Variants in IDH2 observed in about 807,000 individuals in gnomAD.
The protein encoded by IDH2 is isocitrate dehydrogenase (NADP(+)) 2.
IDH2 carries 18 observed loss-of-function variants against 50.5 expected under a neutral mutation model. The observed-to-expected ratio is 0.36, with a 90% CI of 0.25 to 0.53. The LOEUF is 0.53. Ranked by LOEUF, IDH2 falls within the 20% of genes least tolerant of loss-of-function variation. IDH2 has a pLI of 0.92. For missense variants in IDH2, 518 were observed against 610.7 expected, an observed-to-expected ratio of 0.85 and a Z score of 1.60; for synonymous variants, 280 against 239.8, an observed-to-expected ratio of 1.17 and a Z score of -1.55.
intron 1 of IDH2, among the ~76,000 whole-genome samples, chr15:90,099,161 G>A (rs1353707924): frequency 3.9e-5 from 6 of 152,070 alleles, no homozygotes. Context: ...ATCAGGTAAC[G>A]ATACTCCTCT....
chr15:90,100,906 C>T lies in IDH2; in HGVS notation c.115+1370G>A, dbSNP rs988034687. Among the ~76,000 whole-genome samples the T allele has an allele frequency of 6.6e-6, 1 of 150,726 alleles. No homozygotes were observed. ...GACCCTTAAAAGGCGCTTTGTGTTC[C>T]TGTTTGTGTGTGTTTTTCGGGTTGT... is the stretch of plus-strand genomic sequence containing the variant. On this transcript the variant is annotated intron_variant, in intron 1 of 10. Transcript: ENST00000330062. This position sits in a 1 kb window ranked among gnomAD's most constrained non-coding sequence, Gnocchi z 4.1.
chr15:90,090,410 C>G (rs1596075934), intron 3 of IDH2, 69 bp downstream of exon 3: 1 of 1,555,572 alleles, frequency 6.4e-7, no homozygotes, highest in East Asian at 2.3e-5. Flanking sequence ...TGCCCCACCC[C>G]AAGTCTGGAG....
chr15:90,085,551 C>T lies in IDH2; in HGVS notation c.968-164G>A, dbSNP rs565250056. Among the ~76,000 whole-genome samples, 3 of 152,340 alleles carry T rather than the reference C, an allele frequency of 2.0e-5. No individual in the cohort carries two copies. In the South Asian group the frequency reaches 6.2e-4, roughly 32 times the overall value. ...GGACAGGGACTGTTCCAGGTCTCTT[C>T]ACCCTCCTGTGGGTCTCCAGGGCCC... On this transcript the variant is annotated intron_variant, in intron 7 of 10. Coordinates refer to ENST00000330062, the MANE Select transcript of IDH2 (RefSeq NM_002168.4). The surrounding 1 kb of genome is among the most constrained non-coding windows in gnomAD (Gnocchi z 5.5).
rs2151546152 is a variant in IDH2, at chr15:90,084,258, G to A, written c.*8C>T. On this transcript the variant is annotated 3_prime_UTR_variant, in exon 11 of 11. Transcript: ENST00000330062. The surrounding 1 kb of genome is among the most constrained non-coding windows in gnomAD (Gnocchi z 5.0). ...CCCCTCCACTGCAGCCATGGGTGGC[G>A]CCTCCCCCTACTGCCTGCCCAGGGC... is the stretch of plus-strand genomic sequence containing the variant. The A allele has an allele frequency of 1.2e-6, 2 of 1,612,560 alleles. No individual in the cohort carries two copies. Among genetic ancestry groups the A allele is most frequent in the African/African-American group, 1.3e-5 (1 of 74,980 alleles).
Position 90,085,186 on chromosome 15 carries a change from G to A in IDH2, c.1081-88C>T, listed in dbSNP as rs977439502. 1.4e-4 allele frequency: 213 copies of A among 1,533,954 alleles called. No individual in the cohort carries two copies. The highest frequency in any genetic ancestry group is 1.7e-4 in the Non-Finnish European group (191 of 1,112,810). On this transcript the variant is annotated intron_variant, in intron 8 of 10. Transcript: ENST00000330062. The surrounding 1 kb of genome is among the most constrained non-coding windows in gnomAD (Gnocchi z 5.5). ...ACAGCTGCCCGCCCCTGGGCTGGTG[G>A]GTCAGGCTCGTCCTTCCAGCCCTCA...
chr15:90,088,374 C>G lies in IDH2; in HGVS notation c.663G>C (p.Met221Ile). 1 of 1,613,898 alleles carries G rather than the reference C, an allele frequency of 6.2e-7. No homozygotes were observed. The highest frequency in any genetic ancestry group is 8.5e-7 in the Non-Finnish European group (1 of 1,180,040). The change falls in exon 5 of 11, where the codon ATG (methionine) becomes ATC (isoleucine). Residue 221 changes from methionine to isoleucine, a missense_variant. Physicochemically the swap from Met to Ile is conservative, Grantham distance 10. Coordinates refer to ENST00000330062, the MANE Select transcript of IDH2 (RefSeq NM_002168.4). ...CCAGCCTCACCTCGTCGGTGTTGTA[C>G]ATGCCCATGCCCACGCCGCCTGCGG... ...NFPAGGVGMGMYNTDESISGF... is the reference protein window; with the variant it reads ...NFPAGGVGMGIYNTDESISGF...
intron 3 of IDH2, among the ~76,000 whole-genome samples, chr15:90,089,787 T>C (rs1900983472): frequency 6.6e-6 from 1 of 152,190 alleles, no homozygotes; most frequent in Non-Finnish European, 1.5e-5. Flanking sequence ...TGTGACTTCA[T>C]GGAACCCTCG....
chr15:90,087,716 A>G, intron 5 of IDH2, 141 bp from the exon 6 acceptor site: 2 of 851,230 alleles, frequency 2.3e-6, no homozygotes, highest in East Asian at 5.0e-5. Flanking sequence ...GCCTCCGTGC[A>G]GTGCACACGA....
At position 90,085,116 on chromosome 15, in the gene IDH2, A is replaced by G; in HGVS notation, c.1081-18T>C. On this transcript the variant is annotated intron_variant, in intron 8 of 10. Transcript: ENST00000330062. This position sits in a 1 kb window ranked among gnomAD's most constrained non-coding sequence, Gnocchi z 5.5. Reference sequence around the variant, plus strand: ...GGCCGGCCCTGGGGACGGGGGTTGCAGGGAGATCAAGAGCCGAGCCAGCTA... The same window carrying G: ...GGCCGGCCCTGGGGACGGGGGTTGCGGGGAGATCAAGAGCCGAGCCAGCTA... 6.2e-7 allele frequency: 1 copy of G among 1,611,026 alleles called. No homozygotes were observed. Among genetic ancestry groups the G allele is most frequent in the Non-Finnish European group, 8.5e-7 (1 of 1,177,866 alleles).
chr15:90,099,311 C>T (rs755914857), intron 1 of IDH2, among the ~76,000 whole-genome samples: 1 of 152,202 alleles, frequency 6.6e-6, no homozygotes, highest in Non-Finnish European at 1.5e-5. Flanking sequence ...GCTCTTCCAT[C>T]ATGCCCTTGG....
intron 1 of IDH2, among the ~76,000 whole-genome samples, chr15:90,094,197 G>A (rs1901122920): frequency 6.6e-6 from 1 of 152,156 alleles, no homozygotes; most frequent in Non-Finnish European, 1.5e-5. Flanking sequence ...CGCTACTGAA[G>A]GAGAGTCTGA....
chr15:90,099,421 C>T (rs1204564714), intron 1 of IDH2, among the ~76,000 whole-genome samples: 1 of 152,172 alleles, frequency 6.6e-6, no homozygotes, highest in African/African-American at 2.4e-5. Flanking sequence ...CCTATACAAA[C>T]TTTTGTGCAC....
chr15:90,083,136 T>A lies in IDH2; in HGVS notation c.*1130A>T, dbSNP rs1474138894. The A allele has an allele frequency of 8.1e-6, 1 of 123,008 alleles. No homozygotes were observed. The highest frequency in any genetic ancestry group is 1.7e-5 in the Non-Finnish European group (1 of 59,044). 7.6% of individuals were successfully genotyped at this position (123,008 alleles called of 1,614,324 possible). A position where few individuals can be genotyped will look rare whatever the true frequency, so the allele number is the denominator to read the frequency against. ...ATAGAGCAATTTTTTTTTTTTTTTT[T>A]TTTTTTTTTTTTTTGAGACAGAGTC... On this transcript the variant is annotated 3_prime_UTR_variant, in exon 11 of 11. Coordinates refer to ENST00000330062, the MANE Select transcript of IDH2 (RefSeq NM_002168.4).
chr15:90,083,856 C>G lies in IDH2; in HGVS notation c.*410G>C, dbSNP rs977386598. On this transcript the variant is annotated 3_prime_UTR_variant, in exon 11 of 11. Coordinates refer to ENST00000330062, the MANE Select transcript of IDH2 (RefSeq NM_002168.4). ...CTCCCAGGGCTGCCTGGTCCCTTCC[C>G]TGCCGTGGCAGCCCCTTCCTGAGGT... The G allele has an allele frequency of 3.2e-6, 1 of 310,790 alleles. No individual in the cohort carries two copies. The highest frequency in any genetic ancestry group is 2.1e-5 in the African/African-American group (1 of 47,240). 19.3% of individuals were successfully genotyped at this position (310,790 alleles called of 1,614,324 possible).
At chr15:90,087,609 C>A (rs1900897448) in intron 5 of IDH2, 34 bp from the exon 6 acceptor site, 2 of 1,611,850 alleles carry the variant, frequency 1.2e-6, no homozygotes, top group Non-Finnish European at 1.7e-6. Context: ...TGGCGTGGTG[C>A]CCTAGCCTGG....
In IDH2 at chr15:90,100,534, C is replaced by T. The variant is rs961555324; in HGVS notation, c.115+1742G>A. On this transcript the variant is annotated intron_variant, in intron 1 of 10. Coordinates refer to ENST00000330062, the MANE Select transcript of IDH2 (RefSeq NM_002168.4). The surrounding 1 kb of genome is among the most constrained non-coding windows in gnomAD (Gnocchi z 4.1). ...TAGATAAGTAATTCTGCCACTGAGC[C>T]GTTCACAGAACTGGTCCGCACTGCC... 15 of 644,268 alleles carry T rather than the reference C, an allele frequency of 2.3e-5. No homozygotes were observed. In the African/African-American group the frequency reaches 2.8e-4, roughly 12 times the overall value. 39.9% of individuals were successfully genotyped at this position (644,268 alleles called of 1,614,324 possible).
rs1180552226 is a variant in IDH2, at chr15:90,099,634, T to C, written c.115+2642A>G. Among the ~76,000 whole-genome samples, 4 of 152,132 alleles carry C rather than the reference T, an allele frequency of 2.6e-5. No individual in the cohort carries two copies. In the East Asian group the frequency reaches 7.7e-4, roughly 29 times the overall value. The stretch of plus-strand genomic sequence containing the variant: ...CGTGCCTGGCTAATTTTATTTTTTA[T>C]TTTTGTAGAGATGGGGTCTCACTAT... On this transcript the variant is annotated intron_variant, in intron 1 of 10. Coordinates refer to ENST00000330062, the MANE Select transcript of IDH2 (RefSeq NM_002168.4).
chr15:90,091,790 T>G (rs1901046121), intron 1 of IDH2, 146 bp from the exon 2 acceptor site: 2 of 727,248 alleles, frequency 2.8e-6, no homozygotes, highest in African/African-American at 3.5e-5. Context: ...CGTCTGCAAA[T>G]CAGCTCCCTC....
rs7182369 is a variant in IDH2, at chr15:90,100,372, A to G, written c.115+1904T>C. Among the ~76,000 whole-genome samples, 41,707 of 152,042 alleles carry G rather than the reference A, an allele frequency of 0.27. 5,961 individuals carry two copies. The highest frequency in any genetic ancestry group is 0.36 in the South Asian group (1,721 of 4,820). On this transcript the variant is annotated intron_variant, in intron 1 of 10. Coordinates refer to ENST00000330062, the MANE Select transcript of IDH2 (RefSeq NM_002168.4). The surrounding 1 kb of genome is among the most constrained non-coding windows in gnomAD (Gnocchi z 4.1). ...AGCCATTCCAAAGAGGCTTTTCCTC[A>G]GTACCTACTAGGCCTAAACACAACC...
Sources: gnomAD v4.1 joint callset for allele counts (sites outside exome capture counted in the v4.1 genomes callset) on GRCh38, gnomAD v4.1.1 for gene constraint, Gnocchi (gnomAD v3.1) non-coding constraint, MANE v1.5 for transcripts, NCBI Gene and HGNC (gene_info 2026-07-23, HGNC 2026-07-21) for gene names.